DENND4C: variants seen among roughly 807,000 people sequenced by gnomAD.
DENND4C encodes DENN domain containing 4C, also known as DENN domain-containing protein 4C.
In DENND4C, 108 loss-of-function variants were observed where a neutral mutation model predicts 203.0. The observed-to-expected ratio is 0.53, with a 90% CI of 0.46 to 0.62. DENND4C has a LOEUF of 0.62. Ranked by LOEUF, DENND4C falls within the 20% of genes least tolerant of loss-of-function variation. DENND4C has a pLI of 0.00. For synonymous variants in DENND4C, 871 were observed against 792.4 expected (o/e 1.10, Z -1.67); for missense variants, 2,481 against 2,301.2 (o/e 1.08, Z -1.60).
rs780296642 is a variant in DENND4C, at chr9:19,358,149, C to G, written c.5149C>G (p.Gln1717Glu). 1 of 1,613,144 alleles carries G rather than the reference C, an allele frequency of 6.2e-7. No individual in the cohort carries two copies. The highest frequency in any genetic ancestry group is 1.1e-5 in the South Asian group (1 of 90,988). The change falls in exon 28 of 33, where the codon CAG (glutamine) becomes GAG (glutamate). Residue 1717 changes from glutamine to glutamate, a missense_variant. Gln to Glu is a conservative substitution (Grantham distance 29). Around this residue, in one of 3 missense-constraint regions of DENND4C, gnomAD observed 2,289 missense variants for 2,113.3 expected, o/e 1.08. Coordinates refer to ENST00000434457, the MANE Select transcript of DENND4C (RefSeq NM_001330640.2). The surrounding 1 kb of genome is among the most constrained non-coding windows in gnomAD (Gnocchi z 4.8). Reference protein sequence around the residue: ...ISTVSLPNSLQEVVDPLGKRP... With the variant: ...ISTVSLPNSLEEVVDPLGKRP... ...AACAGTTAGTCTTCCAAATAGTCTG[C>G]AGGAAGTTGTGGTATGTAACAACAA... is the stretch of plus-strand genomic sequence containing the variant.
chr9:19,358,172 C>T lies in DENND4C; in HGVS notation c.5160+12C>T, dbSNP rs771604310. 1.2e-6 allele frequency: 2 copies of T among 1,606,784 alleles called. No individual in the cohort carries two copies. The highest frequency in any genetic ancestry group is 2.7e-5 in the African/African-American group (2 of 74,816). ...TGCAGGAAGTTGTGGTATGTAACAA[C>T]AACAACATTGTAATTATACTGCATA... is the stretch of plus-strand genomic sequence containing the variant. On this transcript the variant is annotated intron_variant, in intron 28 of 32. Transcript: ENST00000434457. The surrounding 1 kb of genome is among the most constrained non-coding windows in gnomAD (Gnocchi z 4.8).
At chr9:19,248,058 A>G (rs1450951083) in intron 1 of DENND4C, among the ~76,000 whole-genome samples, 2 of 152,018 alleles carry the variant, frequency 1.3e-5, no homozygotes, top group African/African-American at 4.8e-5. Context: ...TTCTCCTTCT[A>G]GTTTGTTCTC....
At position 19,358,296 on chromosome 9, in the gene DENND4C, T is replaced by C. The variant is rs1360035635; in HGVS notation, c.5160+136T>C. 2.2e-5 allele frequency: 15 copies of C among 690,120 alleles called. No homozygotes were observed. The highest frequency in any genetic ancestry group is 3.9e-5 in the South Asian group (1 of 25,910). The allele number at this position is 690,120 out of a possible 1,614,324, so 42.7% of individuals were successfully genotyped here. A position where few individuals can be genotyped will look rare whatever the true frequency, so the allele number is the denominator to read the frequency against. ...GAGTTTTTCCATAAACAAATAACTTTTTATTGTGGAGAATTTCAAATATGT... is the reference window on the plus strand; with the variant it reads ...GAGTTTTTCCATAAACAAATAACTTCTTATTGTGGAGAATTTCAAATATGT... On this transcript the variant is annotated intron_variant, in intron 28 of 32. Transcript: ENST00000434457. The surrounding 1 kb of genome is among the most constrained non-coding windows in gnomAD (Gnocchi z 4.8).
At chr9:19,350,659 A>G (rs772584150) in intron 23 of DENND4C, 43 bp from the exon 24 acceptor site, 2 of 1,528,388 alleles carry the variant, frequency 1.3e-6, no homozygotes, top group Non-Finnish European at 1.8e-6. Flanking sequence ...CCACTGGAGA[A>G]GGTATTATTT....
intron 1 of DENND4C, among the ~76,000 whole-genome samples, chr9:19,236,578 C>G (rs547846120): frequency 6.6e-6 from 1 of 152,248 alleles, no homozygotes; most frequent in South Asian, 2.1e-4. Flanking sequence ...AATATTTTGG[C>G]TCCATTAAGA....
intron 1 of DENND4C, among the ~76,000 whole-genome samples, chr9:19,232,314 T>G (rs572886737): frequency 2.0e-5 from 3 of 152,280 alleles, no homozygotes; most frequent in East Asian, 1.9e-4. Context: ...ATCCACACTT[T>G]CCTCCGCATT....
intron 20 of DENND4C, 50 bp downstream of exon 20, chr9:19,336,882 C>G (rs2131865641): frequency 6.6e-7 from 1 of 1,504,770 alleles, no homozygotes. Flanking sequence ...CATGTTAAAT[C>G]TTTCCTTTTT....
chr9:19,267,936 A>G (rs1178632415), intron 1 of DENND4C, among the ~76,000 whole-genome samples: 1 of 152,134 alleles, frequency 6.6e-6, no homozygotes, highest in African/African-American at 2.4e-5. Context: ...TTTACATTCA[A>G]TGTCATTATT....
intron 1 of DENND4C, among the ~76,000 whole-genome samples, chr9:19,232,224 T>C (rs1331398067): frequency 6.6e-6 from 1 of 152,198 alleles, no homozygotes; most frequent in African/African-American, 2.4e-5. Context: ...TTTGTATTCA[T>C]GAACATGATC....
chr9:19,233,345 T>C (rs1821053213), intron 1 of DENND4C, among the ~76,000 whole-genome samples: 1 of 152,204 alleles, frequency 6.6e-6, no homozygotes. Flanking sequence ...AAATTCCTTT[T>C]TATCAGCTAA....
intron 1 of DENND4C, 128 bp downstream of exon 1, chr9:19,230,961 G>T (rs1350987907): frequency 6.6e-6 from 1 of 152,338 alleles, no homozygotes; most frequent in Non-Finnish European, 1.5e-5. Flanking sequence ...TGGCTGGCCC[G>T]CGGGGGGTCG....
intron 25 of DENND4C, 36 bp from the exon 26 acceptor site, chr9:19,352,454 T>G: frequency 6.6e-7 from 1 of 1,512,612 alleles, no homozygotes; most frequent in Non-Finnish European, 8.9e-7. Context: ...TAATTTTTAT[T>G]AAACGTTCTC....
chr9:19,358,078 C>G lies in DENND4C; in HGVS notation c.5078C>G (p.Pro1693Arg). The G allele has an allele frequency of 6.2e-7, 1 of 1,613,892 alleles. No homozygotes were observed. The highest frequency in any genetic ancestry group is 2.2e-5 in the East Asian group (1 of 44,870). The change falls in exon 28 of 33, where the codon CCA (proline) becomes CGA (arginine). Residue 1693 changes from proline (P) to arginine (R), a missense_variant. Coordinates refer to ENST00000434457, the MANE Select transcript of DENND4C (RefSeq NM_001330640.2). The surrounding 1 kb of genome is among the most constrained non-coding windows in gnomAD (Gnocchi z 4.8). ...SLTRSHSVGG[P>R]LQNIDFTQRP... is the part of the protein sequence containing the mutation. ...ACTCGAAGTCACAGTGTTGGAGGCC[C>G]ATTGCAGAATATTGACTTTACCCAG...
chr9:19,344,432 G>A (rs947563075), intron 22 of DENND4C, among the ~76,000 whole-genome samples: 23 of 152,270 alleles, frequency 1.5e-4, no homozygotes, highest in African/African-American at 5.3e-4. Flanking sequence ...GGAGATTGAG[G>A]CTGTAGTGAG....
intron 23 of DENND4C, among the ~76,000 whole-genome samples, chr9:19,348,172 A>G (rs541054073): frequency 6.6e-6 from 1 of 152,326 alleles, no homozygotes; most frequent in East Asian, 1.9e-4. Context: ...CAGCAACCCC[A>G]TGAGGGTGGT....
At chr9:19,337,117 G>A (rs560136190) in intron 20 of DENND4C, among the ~76,000 whole-genome samples, 8 of 152,226 alleles carry the variant, frequency 5.3e-5, no homozygotes, top group African/African-American at 1.9e-4. Context: ...ATGAGCTAAG[G>A]AACTTGAAAA....
chr9:19,340,284 C>G (rs555816695), intron 20 of DENND4C, among the ~76,000 whole-genome samples: 2 of 152,160 alleles, frequency 1.3e-5, no homozygotes, highest in Non-Finnish European at 2.9e-5. Flanking sequence ...AACAAACCTA[C>G]TAAGATGTTC....
At chr9:19,343,512 T>C (rs898775711) in intron 22 of DENND4C, among the ~76,000 whole-genome samples, 10 of 152,376 alleles carry the variant, frequency 6.6e-5, no homozygotes, top group Middle Eastern at 3.4e-3. Flanking sequence ...GAAATTAATT[T>C]GTTCAGCTTC....
At chr9:19,304,267 C>G (rs2131362171) in intron 9 of DENND4C, among the ~76,000 whole-genome samples, 1 of 150,858 alleles carries the variant, frequency 6.6e-6, no homozygotes, top group African/African-American at 2.4e-5. Context: ...TCACTGCAAC[C>G]TCTGCCTCCC....
Sources: gnomAD v4.1 joint callset for allele counts (sites outside exome capture counted in the v4.1 genomes callset) on GRCh38, gnomAD v4.1.1 for gene constraint, gnomAD v4.1.1 regional missense constraint, Gnocchi (gnomAD v3.1) non-coding constraint, MANE v1.5 for transcripts, NCBI Gene and HGNC (gene_info 2026-07-23, HGNC 2026-07-21) for gene names.